TMTC2: variants seen among roughly 807,000 people sequenced by gnomAD.
TMTC2 encodes protein O-mannosyl-transferase TMTC2.
In TMTC2, 43 loss-of-function variants were observed where a neutral mutation model predicts 82.4. The observed-to-expected ratio is 0.52, with a 90% confidence interval of 0.41 to 0.67. The LOEUF (loss-of-function observed/expected upper bound fraction) is 0.67. Among genes scored for constraint, TMTC2 ranks in the 30% least tolerant of loss-of-function variants. TMTC2 has a pLI of 0.00. For synonymous variants in TMTC2, 408 were observed against 381.9 expected (o/e 1.07, Z -0.80); for missense variants, 919 against 1,012.4 (o/e 0.91, Z 1.25).
chr12:82,864,503 T>C (rs1871719101), intron 2 of TMTC2, among the ~76,000 whole-genome samples: 1 of 145,004 alleles, frequency 6.9e-6, no homozygotes, highest in African/African-American at 2.6e-5. Context: ...ATTCTTTTTT[T>C]TTTTTTTTTT....
chr12:83,087,551 AATTTGAAATTGCTCTTC>A (rs1883704883), intron 11 of TMTC2, among the ~76,000 whole-genome samples: 1 of 152,196 alleles, frequency 6.6e-6, no homozygotes, highest in African/African-American at 2.4e-5. Flanking sequence ...TAACACTTGA[AATTTGAAATTGCTCTTC>A]GATCCATGGC....
intron 1 of TMTC2, chr12:82,690,511 G>T (rs1243484635): frequency 3.0e-5 from 20 of 677,770 alleles, no homozygotes; most frequent in Admixed American, 6.3e-5. Context: ...GTTTGATGTA[G>T]CTTGGTTGAA....
intron 8 of TMTC2, among the ~76,000 whole-genome samples, chr12:82,994,014 A>G (rs1428101948): frequency 1.3e-5 from 2 of 152,128 alleles, no homozygotes; most frequent in Non-Finnish European, 2.9e-5. Flanking sequence ...TGCATGTAAC[A>G]GGGTGCTTGG....
At chr12:82,814,617 A>G (rs1868584384) in intron 1 of TMTC2, among the ~76,000 whole-genome samples, 1 of 152,198 alleles carries the variant, frequency 6.6e-6, no homozygotes, top group Non-Finnish European at 1.5e-5. Flanking sequence ...AAAAAGAACC[A>G]GAATTACCAA....
At chr12:82,814,063 C>T (rs1236898296) in intron 1 of TMTC2, among the ~76,000 whole-genome samples, 1 of 152,044 alleles carries the variant, frequency 6.6e-6, no homozygotes, top group African/African-American at 2.4e-5. Flanking sequence ...TTATTATTCC[C>T]ATTTTGCAGA....
chr12:83,033,779 A>C (rs991607746), intron 9 of TMTC2, among the ~76,000 whole-genome samples: 11 of 149,384 alleles, frequency 7.4e-5, no homozygotes, highest in African/African-American at 2.7e-4. Context: ...AAACAAAAAA[A>C]CCATATAAAT....
chr12:82,936,857 C>G (rs1385253151), intron 4 of TMTC2, among the ~76,000 whole-genome samples: 1 of 151,994 alleles, frequency 6.6e-6, no homozygotes, highest in Admixed American at 6.6e-5. Flanking sequence ...TATTGTATCC[C>G]CCATCCCTAG....
At chr12:83,124,214 T>A (rs555942092) in intron 11 of TMTC2, among the ~76,000 whole-genome samples, 1 of 152,362 alleles carries the variant, frequency 6.6e-6, no homozygotes, top group African/African-American at 2.4e-5. Flanking sequence ...TCACTGCGTA[T>A]CCATTGTCTG....
chr12:82,864,611 C>T (rs975065339), intron 2 of TMTC2, among the ~76,000 whole-genome samples: 1 of 150,046 alleles, frequency 6.7e-6, no homozygotes, highest in Non-Finnish European at 1.5e-5. Flanking sequence ...CAGCGATTCA[C>T]CTACCTCAGC....
chr12:83,050,541 A>G (rs1246306246), intron 9 of TMTC2, among the ~76,000 whole-genome samples: 1 of 152,158 alleles, frequency 6.6e-6, no homozygotes, highest in Non-Finnish European at 1.5e-5. Context: ...ATGCATATTC[A>G]TCAATATGAA....
intron 2 of TMTC2, among the ~76,000 whole-genome samples, chr12:82,884,950 G>C (rs1873013774): frequency 6.6e-6 from 1 of 152,066 alleles, no homozygotes; most frequent in African/African-American, 2.4e-5. Flanking sequence ...CAGGAGTGTA[G>C]TTGCACAATC....
At chr12:82,973,155 C>T (rs1878521403) in intron 7 of TMTC2, among the ~76,000 whole-genome samples, 1 of 152,154 alleles carries the variant, frequency 6.6e-6, no homozygotes, top group African/African-American at 2.4e-5. Context: ...CCTGCTTCCC[C>T]TATTTTGAGT....
chr12:82,917,672 T>G (rs1046738809), intron 3 of TMTC2, among the ~76,000 whole-genome samples: 3 of 139,552 alleles, frequency 2.1e-5, no homozygotes, highest in South Asian at 2.3e-4. Flanking sequence ...TACCATTTCG[T>G]CTCACTGCAA....
rs980960215 is a variant in TMTC2, at chr12:82,955,082, A to G, written c.1599-9942A>G. The stretch of plus-strand genomic sequence containing the variant: ...AGTTAGTTGATATGAAATTCTAATC[A>G]GGGTTTTTCAACTTTAGTGCTGTTG... On this transcript the variant is annotated intron_variant, in intron 4 of 11. Transcript: ENST00000321196. 2.0e-5 allele frequency among the ~76,000 whole-genome samples: 3 copies of G among 152,190 alleles called. No homozygotes were observed. In the East Asian group the frequency reaches 5.8e-4, roughly 29 times the overall value.
At chr12:83,124,021 T>C (rs771417658) in intron 11 of TMTC2, among the ~76,000 whole-genome samples, 1 of 152,186 alleles carries the variant, frequency 6.6e-6, no homozygotes, top group Non-Finnish European at 1.5e-5. Context: ...GAATCCATCC[T>C]CTGTGCAGTC....
At chr12:83,024,646 T>C (rs1326845973) in intron 8 of TMTC2, among the ~76,000 whole-genome samples, 2 of 152,200 alleles carry the variant, frequency 1.3e-5, no homozygotes, top group African/African-American at 4.8e-5. Flanking sequence ...TTCTCTGGTT[T>C]GTTCTTGATT....
intron 9 of TMTC2, among the ~76,000 whole-genome samples, chr12:83,037,618 C>G (rs1881714532): frequency 1.3e-5 from 2 of 152,072 alleles, no homozygotes; most frequent in African/African-American, 2.4e-5. Flanking sequence ...CAAACTATTT[C>G]ATTTCTCACT....
chr12:83,042,030 T>G (rs1490617554), intron 9 of TMTC2, among the ~76,000 whole-genome samples: 4 of 152,252 alleles, frequency 2.6e-5, no homozygotes, highest in African/African-American at 9.6e-5. Flanking sequence ...TGTTTGCAAT[T>G]TATTCTTCTG....
chr12:83,111,977 A>G (rs1321251366), intron 11 of TMTC2, among the ~76,000 whole-genome samples: 1 of 151,730 alleles, frequency 6.6e-6, no homozygotes, highest in Non-Finnish European at 1.5e-5. Flanking sequence ...ATGGTGGCAC[A>G]TGCCAGTGGT....
Sources: gnomAD v4.1 joint callset for allele counts (sites outside exome capture counted in the v4.1 genomes callset) on GRCh38, gnomAD v4.1.1 for gene constraint, MANE v1.5 for transcripts, NCBI Gene and HGNC (gene_info 2026-07-23, HGNC 2026-07-21) for gene names.